Variants in CNTNAP5 observed in about 807,000 individuals in gnomAD.
CNTNAP5 encodes contactin-associated protein-like 5.
A neutral mutation model predicts 150.2 loss-of-function variants in CNTNAP5; 72 were observed. That is an observed-to-expected ratio of 0.48 (90% CI 0.40 to 0.58). The LOEUF is 0.58. CNTNAP5 is among the 20% of genes least tolerant of loss of function. The pLI is 0.00. For synonymous variants in CNTNAP5, 672 were observed against 619.8 expected (o/e 1.08, Z -1.25); for missense variants, 1,636 against 1,626.2 (o/e 1.01, Z -0.10).
chr2:124,758,625 A>G (rs2105158869), intron 14 of CNTNAP5, among the ~76,000 whole-genome samples: 1 of 152,212 alleles, frequency 6.6e-6, no homozygotes. Flanking sequence ...AAAAGGGTGC[A>G]GAGGAAGATG....
At chr2:124,229,165 T>G (rs1216507192) in intron 2 of CNTNAP5, among the ~76,000 whole-genome samples, 1 of 151,950 alleles carries the variant, frequency 6.6e-6, no homozygotes, top group Non-Finnish European at 1.5e-5. Context: ...ACTCAAACAT[T>G]GAAATAAAGA....
intron 10 of CNTNAP5, among the ~76,000 whole-genome samples, chr2:124,547,316 AACTG>A (rs1695535508): frequency 6.6e-6 from 1 of 152,192 alleles, no homozygotes; most frequent in Non-Finnish European, 1.5e-5. Flanking sequence ...GCCATCTAAG[AACTG>A]ACTATCTGTA....
At chr2:124,749,975 C>A (rs1423651875) in intron 14 of CNTNAP5, among the ~76,000 whole-genome samples, 4 of 152,184 alleles carry the variant, frequency 2.6e-5, no homozygotes, top group African/African-American at 4.8e-5. Context: ...CCCAGCCTCT[C>A]CCTCCTTTGA....
chr2:124,711,043 C>G (rs533835409), intron 13 of CNTNAP5, among the ~76,000 whole-genome samples: 2 of 152,012 alleles, frequency 1.3e-5, no homozygotes, highest in African/African-American at 2.4e-5. Context: ...GAGGCAGAGG[C>G]GGGTGGATTA....
chr2:124,756,498 G>A (rs1680842461), intron 14 of CNTNAP5, among the ~76,000 whole-genome samples: 3 of 152,158 alleles, frequency 2.0e-5, no homozygotes, highest in Non-Finnish European at 2.9e-5. Context: ...CTATAGCAAA[G>A]GCATGAAATC....
intron 12 of CNTNAP5, among the ~76,000 whole-genome samples, chr2:124,628,037 A>C (rs1447521587): frequency 6.6e-6 from 1 of 152,196 alleles, no homozygotes; most frequent in Non-Finnish European, 1.5e-5. Context: ...AAAGGAACAA[A>C]CAAAGCCTCC....
intron 18 of CNTNAP5, among the ~76,000 whole-genome samples, chr2:124,792,977 T>C (rs1161918975): frequency 6.6e-6 from 1 of 152,210 alleles, no homozygotes; most frequent in Non-Finnish European, 1.5e-5. Context: ...CTTTGGCTAT[T>C]ATACATAACA....
At chr2:124,653,532 T>C (rs1277488415) in intron 13 of CNTNAP5, among the ~76,000 whole-genome samples, 1 of 152,130 alleles carries the variant, frequency 6.6e-6, no homozygotes, top group Non-Finnish European at 1.5e-5. Context: ...ACTCTTTATG[T>C]GTCCAAACAG....
At chr2:124,689,071 T>C (rs1207391286) in intron 13 of CNTNAP5, among the ~76,000 whole-genome samples, 2 of 152,112 alleles carry the variant, frequency 1.3e-5, no homozygotes, top group Non-Finnish European at 2.9e-5. Context: ...TTCTCCTGCT[T>C]CAGAGAACTG....
At chr2:124,495,358 T>G (rs1404228027) in intron 7 of CNTNAP5, among the ~76,000 whole-genome samples, 1 of 152,206 alleles carries the variant, frequency 6.6e-6, no homozygotes, top group East Asian at 1.9e-4. Flanking sequence ...TGATTCATAG[T>G]TCCAAATAGC....
chr2:124,719,479 C>T (rs926697181), intron 13 of CNTNAP5, among the ~76,000 whole-genome samples: 2 of 152,002 alleles, frequency 1.3e-5, no homozygotes, highest in Non-Finnish European at 2.9e-5. Context: ...ATCACAGGAT[C>T]GGGAAGGAAG....
At chr2:124,344,023 G>T (rs571690040) in intron 3 of CNTNAP5, among the ~76,000 whole-genome samples, 1 of 152,106 alleles carries the variant, frequency 6.6e-6, no homozygotes, top group South Asian at 2.1e-4. Flanking sequence ...ACCAGAACAA[G>T]AACCCATAAA....
chr2:124,471,161 C>A (rs1280870960), intron 6 of CNTNAP5, among the ~76,000 whole-genome samples: 2 of 152,070 alleles, frequency 1.3e-5, no homozygotes, highest in Non-Finnish European at 2.9e-5. Context: ...TTGCTTTGGG[C>A]AGTATGGCCA....
Position 124,181,199 on chromosome 2 carries a change from AT to A in CNTNAP5, c.83-40503del, listed in dbSNP as rs199513891. Among the ~76,000 whole-genome samples, 536 of 152,246 alleles carry A rather than the reference AT, an allele frequency of 3.5e-3. 3 individuals carry two copies. Among genetic ancestry groups the A allele is most frequent in the African/African-American group, 0.012 (494 of 41,562 alleles). On this transcript the variant is annotated intron_variant, in intron 1 of 23. Transcript: ENST00000682447. ...TTGCATATTTTATAAAATGTTAGATATTTATTTGAATAACTATAGTAATTAG... is the reference window on the plus strand; with the variant it reads ...TTGCATATTTTATAAAATGTTAGATATTATTTGAATAACTATAGTAATTAG...
intron 2 of CNTNAP5, among the ~76,000 whole-genome samples, chr2:124,233,663 C>G (rs548602562): frequency 6.6e-6 from 1 of 152,040 alleles, no homozygotes; most frequent in South Asian, 2.1e-4. Context: ...TTCTCTCCTT[C>G]TCTCTCTCCT....
At chr2:124,735,705 C>G (rs967058702) in intron 13 of CNTNAP5, among the ~76,000 whole-genome samples, 8 of 152,104 alleles carry the variant, frequency 5.3e-5, no homozygotes, top group Non-Finnish European at 1.0e-4. Context: ...GGATTTGGAG[C>G]CATAAGATCT....
rs1156495849 is a variant in CNTNAP5 at position 124,221,823 on chromosome 2, C to T, written c.187+14C>T. The T allele has an allele frequency of 2.6e-6, 4 of 1,534,118 alleles. No individual in the cohort carries two copies. The Admixed American group carries it at 7.0e-5, about 27-fold the overall frequency. ...ACTGGAGAGTTGGTAAGTAGGCTGACTGAAATCCTAATGCCAAGCACTAAA... is the reference window on the plus strand; with the variant it reads ...ACTGGAGAGTTGGTAAGTAGGCTGATTGAAATCCTAATGCCAAGCACTAAA... On this transcript the variant is annotated intron_variant, in intron 2 of 23. Coordinates refer to ENST00000682447, the MANE Select transcript of CNTNAP5 (RefSeq NM_001367498.1).
chr2:124,616,573 A>G (rs1677497604), intron 12 of CNTNAP5, among the ~76,000 whole-genome samples: 1 of 152,232 alleles, frequency 6.6e-6, no homozygotes. Flanking sequence ...TCACTGAAGT[A>G]GCATTTTAAT....
chr2:124,391,796 A>G, intron 3 of CNTNAP5, among the ~76,000 whole-genome samples: 1 of 152,048 alleles, frequency 6.6e-6, no homozygotes, highest in Non-Finnish European at 1.5e-5. Flanking sequence ...TCTACTAAAA[A>G]ATACAAAAAA....
Sources: gnomAD v4.1 joint callset for allele counts (sites outside exome capture counted in the v4.1 genomes callset) on GRCh38, gnomAD v4.1.1 for gene constraint, MANE v1.5 for transcripts, NCBI Gene and HGNC (gene_info 2026-07-23, HGNC 2026-07-21) for gene names.